The following TASP1 variants were observed in gnomAD, a reference collection of about 807,000 sequenced individuals.
TASP1 encodes the protein taspase 1.
Under a neutral mutation model 56.6 loss-of-function variants are expected in TASP1, and 16 were observed. That is an observed-to-expected ratio of 0.28 (90% CI 0.19 to 0.43). TASP1 has a LOEUF of 0.43. TASP1 is among the 20% of genes least tolerant of loss of function. TASP1 has a pLI of 1.00. For missense variants in TASP1, 393 were observed against 511.6 expected (o/e 0.77, Z 2.24); for synonymous variants, 179 against 184.2 (o/e 0.97, Z 0.23).
intron 4 of TASP1, among the ~76,000 whole-genome samples, chr20:13,601,868 C>CTTTT (rs61111564): frequency 1.9e-5 from 1 of 53,554 alleles, no homozygotes; most frequent in Non-Finnish European, 3.1e-5. Flanking sequence ...TAACCCCATT[C>CTTTT]TTTTTTTTTT....
At chr20:13,257,376 G>T in the TASP1 span, among the ~76,000 whole-genome samples, 1 of 152,086 alleles carries the variant, frequency 6.6e-6, no homozygotes, top group African/African-American at 2.4e-5. Flanking sequence ...AATTAGCCAA[G>T]CGTGGTGGTG....
the TASP1 span, among the ~76,000 whole-genome samples, chr20:13,221,219 A>ACTACTACTCCTC: frequency 1.2e-5 from 1 of 82,726 alleles, no homozygotes; most frequent in Non-Finnish European, 2.6e-5. Flanking sequence ...AAGCCCTCCT[A>ACTACTACTCCTC]CTCCTCCTCC....
chr20:13,156,084 A>G, the TASP1 span, among the ~76,000 whole-genome samples: 1 of 152,206 alleles, frequency 6.6e-6, no homozygotes, highest in Non-Finnish European at 1.5e-5. Context: ...ACACACAGAC[A>G]CACATACATT....
At chr20:13,117,814 A>G in the TASP1 span, 1 of 1,247,112 alleles carries the variant, frequency 8.0e-7, no homozygotes, top group Non-Finnish European at 1.1e-6. Flanking sequence ...TGAAAGCTTC[A>G]ATTCAGTTCA....
At chr20:13,527,061 A>G (rs182193799) in intron 10 of TASP1, among the ~76,000 whole-genome samples, 1 of 152,286 alleles carries the variant, frequency 6.6e-6, no homozygotes, top group East Asian at 1.9e-4. Context: ...CAGAAATAAC[A>G]AGAAATCAGC....
At position 13,411,991 on chromosome 20, in the gene TASP1, G is replaced by A. The variant is rs546497543; in HGVS notation, c.1170+5457C>T. 7.9e-4 allele frequency among the ~76,000 whole-genome samples: 120 copies of A among 152,286 alleles called. 2 individuals are homozygous for A. Among genetic ancestry groups the A allele is most frequent in the Non-Finnish European group, 1.5e-3 (104 of 68,022 alleles). On this transcript the variant is annotated intron_variant, in intron 13 of 13. Coordinates refer to ENST00000337743, the MANE Select transcript of TASP1 (RefSeq NM_017714.3). ...TTGCAACTGTGTTGCACTTGATAAA[G>A]GACCACTATGCTTCCGAGTTGTCTT...
intron 2 of TASP1, among the ~76,000 whole-genome samples, chr20:13,628,432 C>T (rs1466478653): frequency 6.6e-5 from 10 of 152,174 alleles, no homozygotes; most frequent in Admixed American, 6.5e-4. Flanking sequence ...AAGCTCTAGT[C>T]CCAGGTCTAC....
At chr20:13,127,849 G>A in the TASP1 span, among the ~76,000 whole-genome samples, 1 of 152,170 alleles carries the variant, frequency 6.6e-6, no homozygotes, top group Non-Finnish European at 1.5e-5. Flanking sequence ...TGCCTTTTCG[G>A]TGTTATGACT....
intron 4 of TASP1, among the ~76,000 whole-genome samples, chr20:13,609,586 G>T: frequency 6.6e-6 from 1 of 151,724 alleles, no homozygotes; most frequent in East Asian, 1.9e-4. Context: ...TACTGGGGAG[G>T]CTGAGGCAGG....
the TASP1 span, chr20:13,299,165 C>T: frequency 4.0e-5 from 65 of 1,609,860 alleles, no homozygotes; most frequent in East Asian, 1.4e-3. The surrounding 1 kb of genome is among the most constrained non-coding windows in gnomAD (Gnocchi z 5.8). Context: ...CTGCCCGGTA[C>T]TGCATCCGCT....
chr20:13,249,912 A>G, the TASP1 span, among the ~76,000 whole-genome samples: 2 of 152,046 alleles, frequency 1.3e-5, no homozygotes, highest in Non-Finnish European at 1.5e-5. Context: ...ATTTGCAAAA[A>G]TTGCTGGGGC....
At chr20:13,393,615 G>A (rs549686165) in intron 13 of TASP1, 328 of 1,180,136 alleles carry the variant, frequency 2.8e-4, no homozygotes, top group Middle Eastern at 1.4e-3. Context: ...GTGTGACAAC[G>A]AATTTGGCTA....
chr20:13,353,563 A>G, the TASP1 span, among the ~76,000 whole-genome samples: 1 of 152,340 alleles, frequency 6.6e-6, no homozygotes, highest in African/African-American at 2.4e-5. Flanking sequence ...CCAATGTGGG[A>G]CACATTCATC....
At chr20:13,132,207 C>T in the TASP1 span, among the ~76,000 whole-genome samples, 2 of 131,422 alleles carry the variant, frequency 1.5e-5, no homozygotes, top group Non-Finnish European at 3.1e-5. Context: ...CATGGAGTCT[C>T]ACTCTGTCAC....
chr20:13,294,708 G>C, the TASP1 span, among the ~76,000 whole-genome samples: 1 of 152,190 alleles, frequency 6.6e-6, no homozygotes, highest in Non-Finnish European at 1.5e-5. Context: ...TTCTCTCAAT[G>C]ACTACTCAGA....
chr20:13,413,329 G>T (rs1477312714), intron 13 of TASP1, among the ~76,000 whole-genome samples: 1 of 152,070 alleles, frequency 6.6e-6, no homozygotes, highest in African/African-American at 2.4e-5. Flanking sequence ...CACAGGGTTT[G>T]TCACACAAGG....
chr20:13,273,309 G>T, the TASP1 span, among the ~76,000 whole-genome samples: 2 of 144,872 alleles, frequency 1.4e-5, no homozygotes, highest in Non-Finnish European at 3.0e-5. Flanking sequence ...ATCATGGCTT[G>T]TTGAGGCCTT....
chr20:13,481,060 T>C (rs753150222), intron 11 of TASP1, among the ~76,000 whole-genome samples: 6 of 152,162 alleles, frequency 3.9e-5, no homozygotes, highest in Non-Finnish European at 7.3e-5. Context: ...TCATTCTTTC[T>C]TATTTTTTTG....
At chr20:13,357,792 C>G in the TASP1 span, among the ~76,000 whole-genome samples, 1 of 152,194 alleles carries the variant, frequency 6.6e-6, no homozygotes, top group Non-Finnish European at 1.5e-5. Flanking sequence ...CAATACTATA[C>G]AGCAAAGAAA....
Sources: allele counts gnomAD v4.1 joint callset (sites outside exome capture counted in the v4.1 genomes callset), GRCh38; gene constraint gnomAD v4.1.1; non-coding constraint Gnocchi (gnomAD v3.1); transcripts MANE v1.5; gene names NCBI Gene and HGNC (gene_info 2026-07-23, HGNC 2026-07-21).